WDHD1: variants seen among roughly 807,000 people sequenced by gnomAD.
The protein encoded by WDHD1 is WD repeat and HMG-box DNA binding protein 1, also known as WD repeat and HMG-box DNA-binding protein 1.
WDHD1 carries 111 observed loss-of-function variants against 135.4 expected under a neutral mutation model. That is an observed-to-expected ratio of 0.82 (90% confidence interval 0.70 to 0.96). The LOEUF (loss-of-function observed/expected upper bound fraction) is 0.96, where lower values mean the gene tolerates loss of function less well. Ranked by LOEUF, WDHD1 falls within the 40% of genes least tolerant of loss-of-function variation. The pLI is 0.00. For synonymous variants in WDHD1, 434 were observed against 439.0 expected, an observed-to-expected ratio of 0.99 and a Z score of 0.14; for missense variants, 1,351 against 1,336.3, an observed-to-expected ratio of 1.01 and a Z score of -0.17.
intron 24 of WDHD1, 123 bp from the exon 25 acceptor site, chr14:54,944,593 G>GTTACAC (rs1191915276): frequency 1.7e-6 from 1 of 588,972 alleles, no homozygotes; most frequent in Non-Finnish European, 2.5e-6. Context: ...GGAAGACACA[G>GTTACAC]TTACACTTGT....
intron 21 of WDHD1, among the ~76,000 whole-genome samples, chr14:54,960,309 A>T (rs567196263): frequency 6.6e-6 from 1 of 151,918 alleles, no homozygotes; most frequent in African/African-American, 2.4e-5. Context: ...CTGGGATTAC[A>T]GGTGCCTGTC....
At chr14:54,981,416 A>G in intron 16 of WDHD1, 124 bp downstream of exon 16, 1 of 881,980 alleles carries the variant, frequency 1.1e-6, no homozygotes, top group Non-Finnish European at 1.7e-6. Context: ...TTCCTAATTT[A>G]GTGACTATGG....
chr14:54,972,081 G>C (rs1175732718), intron 16 of WDHD1, among the ~76,000 whole-genome samples: 1 of 151,886 alleles, frequency 6.6e-6, no homozygotes, highest in Non-Finnish European at 1.5e-5. Flanking sequence ...GACCATCCTG[G>C]CTAACACAGT....
intron 11 of WDHD1, among the ~76,000 whole-genome samples, chr14:54,992,843 T>C (rs1187885): frequency 0.013 from 1,935 of 151,896 alleles, 29 homozygotes; most frequent in Non-Finnish European, 0.021. Flanking sequence ...AGCCCAGGAG[T>C]TCAAGGTTAC....
chr14:55,008,495 TA>T (rs2042110641), intron 5 of WDHD1, 112 bp downstream of exon 5: 4 of 1,437,660 alleles, frequency 2.8e-6, no homozygotes, highest in Admixed American at 4.5e-5. Context: ...TCTTACTGAA[TA>T]AAACAAAGGT....
chr14:55,021,910 G>A (rs1213609235), intron 2 of WDHD1, among the ~76,000 whole-genome samples: 2 of 152,158 alleles, frequency 1.3e-5, no homozygotes, highest in African/African-American at 4.8e-5. Context: ...ATCTTCAATG[G>A]TATAATCCTT....
At chr14:55,006,428 A>T (rs982551485) in intron 7 of WDHD1, among the ~76,000 whole-genome samples, 2 of 152,202 alleles carry the variant, frequency 1.3e-5, no homozygotes, top group African/African-American at 2.4e-5. Context: ...TATTGTTTGT[A>T]TACAGGATAA....
chr14:54,957,648 A>C lies in WDHD1; in HGVS notation c.2702-13T>G, dbSNP rs775242426. ...AAGGTAACTGCACCTTTCACAAAAA[A>C]GAAACCCTTGCTTAATAATGGTAGA... On this transcript the variant is annotated splice_polypyrimidine_tract_variant and intron_variant, in intron 21 of 25. Coordinates refer to ENST00000360586, the MANE Select transcript of WDHD1 (RefSeq NM_007086.4). The C allele has an allele frequency of 6.2e-7, 1 of 1,603,616 alleles. No individual in the cohort carries two copies. Among genetic ancestry groups the C allele is most frequent in the African/African-American group, 1.3e-5 (1 of 74,254 alleles).
chr14:54,958,737 T>G (rs1286264840), intron 21 of WDHD1, among the ~76,000 whole-genome samples: 1 of 152,200 alleles, frequency 6.6e-6, no homozygotes. Context: ...TGTGTTCCAA[T>G]AGTTGGTTCC....
At chr14:54,948,631 T>G (rs1347526681) in intron 24 of WDHD1, among the ~76,000 whole-genome samples, 1 of 152,214 alleles carries the variant, frequency 6.6e-6, no homozygotes, top group Non-Finnish European at 1.5e-5. Flanking sequence ...TGTCCCTGTC[T>G]GACAGCTTTG....
At chr14:54,952,449 C>G (rs535150858) in intron 24 of WDHD1, among the ~76,000 whole-genome samples, 2 of 152,216 alleles carry the variant, frequency 1.3e-5, no homozygotes, top group Admixed American at 6.5e-5. Context: ...TGTGAAGGAC[C>G]TCTTCAAAGA....
chr14:54,988,890 T>C (rs751044409), intron 13 of WDHD1, 138 bp downstream of exon 13: 335 of 677,740 alleles, frequency 4.9e-4, no homozygotes, highest in Admixed American at 5.5e-4. Flanking sequence ...TTGGGTGTGC[T>C]GGTGTTTGTA....
intron 16 of WDHD1, among the ~76,000 whole-genome samples, chr14:54,977,516 A>C (rs1002095208): frequency 3.9e-5 from 6 of 152,212 alleles, no homozygotes; most frequent in Non-Finnish European, 8.8e-5. Context: ...TAGGGAACAT[A>C]GCGAGACTGT....
intron 2 of WDHD1, among the ~76,000 whole-genome samples, chr14:55,024,843 C>A (rs28504998): frequency 1.8e-5 from 2 of 111,724 alleles, no homozygotes; most frequent in African/African-American, 3.0e-5. Context: ...ACAAAAACTG[C>A]GGAAGGCCGC....
intron 2 of WDHD1, among the ~76,000 whole-genome samples, chr14:55,019,899 G>A (rs2140232215): frequency 6.6e-6 from 1 of 152,116 alleles, no homozygotes; most frequent in South Asian, 2.1e-4. Context: ...TCAGTGTCTG[G>A]GCATGAAGAT....
chr14:55,011,473 G>A (rs180750268), intron 3 of WDHD1, among the ~76,000 whole-genome samples: 266 of 137,236 alleles, frequency 1.9e-3, no homozygotes, highest in Middle Eastern at 0.01. Flanking sequence ...GCAGTGAGCT[G>A]AGACTGCGCC....
intron 17 of WDHD1, 71 bp downstream of exon 17, chr14:54,967,209 A>G: frequency 8.3e-7 from 1 of 1,200,058 alleles, no homozygotes; most frequent in Non-Finnish European, 1.2e-6. Context: ...CCATCAGGAT[A>G]ATTTTAAAGT....
chr14:54,951,157 C>G (rs1175180723), intron 24 of WDHD1, among the ~76,000 whole-genome samples: 2 of 151,916 alleles, frequency 1.3e-5, no homozygotes, highest in Non-Finnish European at 2.9e-5. Flanking sequence ...CAGAGCAGAA[C>G]TGAAGGAGAT....
Position 54,967,295 on chromosome 14 carries a change from C to T in WDHD1, c.2163G>A (p.Glu721=). The T allele has an allele frequency of 6.2e-7, 1 of 1,611,358 alleles. No individual in the cohort carries two copies. Residue 721 remains glutamate, a synonymous_variant, in exon 17 of 26, where the codon GAG becomes GAA. Transcript: ENST00000360586. ...TTCCACATACCTCCATTTGTCCTTT[C>T]TCTGTTGCAATCTGACAGTAAGGAA... is the stretch of plus-strand genomic sequence containing the variant. ...FKLPYCQIAT[E]KGQMEEQFWR...
Sources: allele counts gnomAD v4.1 joint callset (sites outside exome capture counted in the v4.1 genomes callset), GRCh38; gene constraint gnomAD v4.1.1; transcripts MANE v1.5; gene names NCBI Gene and HGNC (gene_info 2026-07-23, HGNC 2026-07-21).